ZNF385D: variants seen among roughly 807,000 people sequenced by gnomAD.
The protein encoded by ZNF385D is zinc finger protein 385D.
A neutral mutation model predicts 35.8 loss-of-function variants in ZNF385D; 15 were observed. The ratio of observed to expected loss-of-function variants is 0.42; its 90% confidence interval spans 0.28 to 0.64. The LOEUF is 0.64. Ranked by LOEUF, ZNF385D falls within the 30% of genes least tolerant of loss-of-function variation. The pLI, the probability that ZNF385D is intolerant of heterozygous loss-of-function variation, is 0.23. For synonymous variants in ZNF385D, 212 were observed against 186.8 expected, an observed-to-expected ratio of 1.13 and a Z score of -1.10; for missense variants, 474 against 494.6, an observed-to-expected ratio of 0.96 and a Z score of 0.39.
At chr3:21,637,361 C>T (rs1310436520) in intron 2 of ZNF385D, among the ~76,000 whole-genome samples, 1 of 152,052 alleles carries the variant, frequency 6.6e-6, no homozygotes, top group East Asian at 1.9e-4. Context: ...AAAGGGTGTC[C>T]TTTCCCCACT....
At chr3:21,999,821 C>T (rs949392916) in intron 3 of ZNF385D, among the ~76,000 whole-genome samples, 7 of 150,704 alleles carry the variant, frequency 4.6e-5, no homozygotes, top group Non-Finnish European at 7.4e-5. Context: ...TGAAGAAAAA[C>T]TGTGTGATAT....
chr3:22,082,710 G>C (rs180736061), intron 3 of ZNF385D, among the ~76,000 whole-genome samples: 122 of 152,306 alleles, frequency 8.0e-4, no homozygotes, highest in Non-Finnish European at 1.5e-3. Context: ...GGTTCTCCCA[G>C]CATGGTGTTT....
At chr3:21,993,248 A>G (rs1024878704) in intron 3 of ZNF385D, among the ~76,000 whole-genome samples, 6 of 152,192 alleles carry the variant, frequency 3.9e-5, no homozygotes, top group African/African-American at 1.4e-4. Context: ...TTCCCTTAAC[A>G]GAATGTTACA....
intron 3 of ZNF385D, among the ~76,000 whole-genome samples, chr3:21,914,565 G>C (rs1700110297): frequency 6.6e-6 from 1 of 151,800 alleles, no homozygotes. Context: ...ATGAAGTCGA[G>C]ATACATAATT....
At chr3:21,771,278 C>T (rs1443040155) in intron 3 of ZNF385D, among the ~76,000 whole-genome samples, 1 of 151,176 alleles carries the variant, frequency 6.6e-6, no homozygotes, top group Non-Finnish European at 1.5e-5. Context: ...AAATGTACAC[C>T]TCTGGTTGAT....
At chr3:22,134,849 C>G (rs13324020) in intron 3 of ZNF385D, among the ~76,000 whole-genome samples, 2,795 of 152,164 alleles carry the variant, frequency 0.018, 34 homozygotes, top group Non-Finnish European at 0.026. Flanking sequence ...TTATAAGGTA[C>G]CCACTCTTGG....
chr3:21,978,468 C>A (rs1043632355), intron 3 of ZNF385D, among the ~76,000 whole-genome samples: 2 of 152,206 alleles, frequency 1.3e-5, no homozygotes, highest in Non-Finnish European at 2.9e-5. Context: ...TATGCCATCA[C>A]TGGCAAAAGT....
intron 4 of ZNF385D, among the ~76,000 whole-genome samples, chr3:21,506,107 G>C (rs145052977): frequency 3.9e-5 from 6 of 152,242 alleles, no homozygotes; most frequent in African/African-American, 1.2e-4. Flanking sequence ...TATAATTGCT[G>C]ACTAATATCT....
At chr3:21,972,401 C>G (rs1259094477) in intron 3 of ZNF385D, among the ~76,000 whole-genome samples, 1 of 151,710 alleles carries the variant, frequency 6.6e-6, no homozygotes, top group Non-Finnish European at 1.5e-5. Context: ...AATGGAAATA[C>G]AACATACAAA....
chr3:21,700,473 A>G (rs1436189611), intron 1 of ZNF385D, among the ~76,000 whole-genome samples: 1 of 152,160 alleles, frequency 6.6e-6, no homozygotes, highest in African/African-American at 2.4e-5. Context: ...TAATTTTTAA[A>G]ATTAGTTTTT....
chr3:21,989,466 G>A (rs572564319), intron 3 of ZNF385D, among the ~76,000 whole-genome samples: 15 of 152,108 alleles, frequency 9.9e-5, no homozygotes, highest in South Asian at 4.1e-4. Context: ...ATTATGGATC[G>A]GTTTAGACAT....
At chr3:22,312,539 C>T (rs918103096) in intron 2 of ZNF385D, among the ~76,000 whole-genome samples, 2 of 151,842 alleles carry the variant, frequency 1.3e-5, no homozygotes, top group African/African-American at 4.8e-5. Flanking sequence ...CTACAATGAA[C>T]TCAAACAAAT....
intron 2 of ZNF385D, among the ~76,000 whole-genome samples, chr3:22,372,210 G>A (rs900814734): frequency 6.6e-6 from 1 of 152,046 alleles, no homozygotes; most frequent in Non-Finnish European, 1.5e-5. Context: ...CTCTGGCCCC[G>A]CAACCTCACA....
intron 3 of ZNF385D, among the ~76,000 whole-genome samples, chr3:21,893,744 A>G (rs1304117789): frequency 6.6e-6 from 1 of 152,208 alleles, no homozygotes; most frequent in Non-Finnish European, 1.5e-5. Context: ...AAGTCTAGCT[A>G]TTTTAGAACT....
At chr3:21,513,789 G>C (rs1353929260) in intron 3 of ZNF385D, among the ~76,000 whole-genome samples, 3 of 151,972 alleles carry the variant, frequency 2.0e-5, no homozygotes, top group Non-Finnish European at 4.4e-5. Context: ...GAATTTATTG[G>C]ACAGTTCCTA....
At chr3:21,556,472 A>C (rs2125617466) in intron 3 of ZNF385D, among the ~76,000 whole-genome samples, 1 of 152,302 alleles carries the variant, frequency 6.6e-6, no homozygotes, top group South Asian at 2.1e-4. Flanking sequence ...CCATTTATTA[A>C]ATAGGGAAGC....
rs1297567508 is a variant in ZNF385D at position 22,191,921 on chromosome 3, A to G, written c.107-22886T>C. Among the ~76,000 whole-genome samples, 3 of 152,286 alleles carry G rather than the reference A, an allele frequency of 2.0e-5. No homozygotes were observed. The East Asian group carries it at 5.8e-4, about 29-fold the overall frequency. ...TGAGGTACCAATCTATAAAAAAACA[A>G]TGGTAATTTCCAGATTCATCTAACA... On this transcript the variant is annotated intron_variant, in intron 2 of 5. Transcript: ENST00000494108.
intron 4 of ZNF385D, among the ~76,000 whole-genome samples, chr3:21,487,417 A>G (rs1285087162): frequency 6.6e-6 from 1 of 152,066 alleles, no homozygotes; most frequent in Non-Finnish European, 1.5e-5. Flanking sequence ...AATAATAGAT[A>G]TTTGGTAAGC....
At chr3:21,661,823 T>G (rs2066245564) in intron 2 of ZNF385D, among the ~76,000 whole-genome samples, 1 of 152,130 alleles carries the variant, frequency 6.6e-6, no homozygotes, top group Non-Finnish European at 1.5e-5. Context: ...CATCTTTCCT[T>G]CCCCTCCTAA....
Sources: gnomAD v4.1 joint callset for allele counts (sites outside exome capture counted in the v4.1 genomes callset) on GRCh38, gnomAD v4.1.1 for gene constraint, MANE v1.5 for transcripts, NCBI Gene and HGNC (gene_info 2026-07-23, HGNC 2026-07-21) for gene names.